RAB15: variants seen among roughly 807,000 people sequenced by gnomAD.
The protein encoded by RAB15 is ras-related protein Rab-15.
Under a neutral mutation model 31.8 loss-of-function variants are expected in RAB15, and 13 were observed. The observed-to-expected ratio is 0.41, with a 90% CI of 0.27 to 0.65. RAB15 has a LOEUF of 0.65. Ranked by LOEUF, RAB15 falls within the 30% of genes least tolerant of loss-of-function variation. The probability of loss-of-function intolerance (pLI) is 0.32; values close to 1 mark genes in which losing one functional copy is unlikely to be tolerated. For missense variants in RAB15, 220 were observed against 277.3 expected, an observed-to-expected ratio of 0.79 and a Z score of 1.47; for synonymous variants, 100 against 105.6, an observed-to-expected ratio of 0.95 and a Z score of 0.33.
chr14:64,960,730 T>C (rs1435514870), intron 1 of RAB15, among the ~76,000 whole-genome samples: 1 of 152,126 alleles, frequency 6.6e-6, no homozygotes, highest in Non-Finnish European at 1.5e-5. Flanking sequence ...AGCCCAGAGC[T>C]GCAGGAGGGG....
At chr14:64,966,618 C>T (rs1330250473) in intron 1 of RAB15, among the ~76,000 whole-genome samples, 4 of 152,184 alleles carry the variant, frequency 2.6e-5, no homozygotes, top group South Asian at 2.1e-4. Context: ...GCTTTATATG[C>T]GCTAGGCTCT....
At chr14:64,959,887 G>A (rs1216005535) in intron 1 of RAB15, among the ~76,000 whole-genome samples, 1 of 150,286 alleles carries the variant, frequency 6.7e-6, no homozygotes, top group Non-Finnish European at 1.5e-5. Flanking sequence ...TTCCATGAGG[G>A]GGATCTCCCC....
chr14:64,963,551 A>C (rs954932724), intron 1 of RAB15, among the ~76,000 whole-genome samples: 4 of 152,190 alleles, frequency 2.6e-5, no homozygotes, highest in Non-Finnish European at 4.4e-5. Context: ...CCTCCTTCTC[A>C]GGCAGGGCTG....
Position 64,954,727 on chromosome 14 carries a change from T to C in RAB15, c.125-2156A>G, listed in dbSNP as rs1886450771. Among the ~76,000 whole-genome samples, 1 of 152,192 alleles carries C rather than the reference T, an allele frequency of 6.6e-6. No homozygotes were observed. Among genetic ancestry groups the C allele is most frequent in the Non-Finnish European group, 1.5e-5 (1 of 68,028 alleles). On this transcript the variant is annotated intron_variant, in intron 1 of 6. Transcript: ENST00000533601. The surrounding 1 kb of genome is among the most constrained non-coding windows in gnomAD (Gnocchi z 4.3). ...AGAGATTCCAACACAGGTCCATCTA[T>C]GCTGGAACCCACGCTGCCCCTTGCG...
rs192234243 is a variant in RAB15 at position 64,968,336 on chromosome 14, C to T, written c.124+3617G>A. Among the ~76,000 whole-genome samples, 6 of 152,148 alleles carry T rather than the reference C, an allele frequency of 3.9e-5. No individual in the cohort carries two copies. Among genetic ancestry groups the T allele is most frequent in the African/African-American group, 7.2e-5 (3 of 41,432 alleles). On this transcript the variant is annotated intron_variant, in intron 1 of 6. Coordinates refer to ENST00000533601, the MANE Select transcript of RAB15 (RefSeq NM_001308154.2). This position sits in a 1 kb window ranked among gnomAD's most constrained non-coding sequence, Gnocchi z 4.9. ...TGCTCCCTTCTGCTGCAGGAACTGACGAGCAGCCCACACTGAGGCCTAGCT... is the reference window on the plus strand; with the variant it reads ...TGCTCCCTTCTGCTGCAGGAACTGATGAGCAGCCCACACTGAGGCCTAGCT...
chr14:64,951,557 G>T lies in RAB15; in HGVS notation c.246+46C>A. Reference sequence around the variant, plus strand: ...ATCTCAAATACCCAGAGCTGGGAGTGTGGGTGGCAGCTTCCCACTTTGAAA... The same window carrying T: ...ATCTCAAATACCCAGAGCTGGGAGTTTGGGTGGCAGCTTCCCACTTTGAAA... On this transcript the variant is annotated intron_variant, in intron 3 of 6. Coordinates refer to ENST00000533601, the MANE Select transcript of RAB15 (RefSeq NM_001308154.2). This position sits in a 1 kb window ranked among gnomAD's most constrained non-coding sequence, Gnocchi z 7.2. 6.5e-7 allele frequency: 1 copy of T among 1,532,526 alleles called. No homozygotes were observed. The highest frequency in any genetic ancestry group is 9.0e-7 in the Non-Finnish European group (1 of 1,105,290). 94.9% of individuals were successfully genotyped at this position (1,532,526 alleles called of 1,614,324 possible).
chr14:64,969,470 G>T (rs1021387172), intron 1 of RAB15, among the ~76,000 whole-genome samples: 1 of 152,202 alleles, frequency 6.6e-6, no homozygotes, highest in African/African-American at 2.4e-5. Flanking sequence ...CTTTAAATAA[G>T]AAAGCATTTA....
chr14:64,971,953 C>G lies in RAB15; in HGVS notation c.124G>C (p.Gly42Arg). 6.4e-7 allele frequency: 1 copy of G among 1,572,234 alleles called. No homozygotes were observed. The highest frequency in any genetic ancestry group is 8.6e-7 in the Non-Finnish European group (1 of 1,159,428). ...GGCGCCCCGGGCCACCGCCCCTTAC[C>G]GATGGTGGAGATGTGCGAGGAGTGG... ...EFHSSHISTI[G>R]VDFKMKTIEV... is the part of the protein sequence containing the mutation. The change falls in exon 1 of 7, where the codon GGT becomes CGT. Residue 42 changes from glycine (G) to arginine (R), a missense_variant and splice_region_variant. By Grantham distance (125) the Gly-to-Arg change is moderately radical. Coordinates refer to ENST00000533601, the MANE Select transcript of RAB15 (RefSeq NM_001308154.2). The surrounding 1 kb of genome is among the most constrained non-coding windows in gnomAD (Gnocchi z 4.1).
chr14:64,957,580 C>T (rs1419961275), intron 1 of RAB15, among the ~76,000 whole-genome samples: 1 of 152,162 alleles, frequency 6.6e-6, no homozygotes, highest in Non-Finnish European at 1.5e-5. Context: ...GTGCATAGTG[C>T]TTGTCTTTAC....
At chr14:64,967,294 A>G (rs1426826945) in intron 1 of RAB15, among the ~76,000 whole-genome samples, 2 of 152,222 alleles carry the variant, frequency 1.3e-5, no homozygotes, top group Non-Finnish European at 2.9e-5. Flanking sequence ...TGGGAGGGAG[A>G]AAACCAACTC....
At chr14:64,960,067 G>T (rs1164272072) in intron 1 of RAB15, among the ~76,000 whole-genome samples, 1 of 152,180 alleles carries the variant, frequency 6.6e-6, no homozygotes, top group Admixed American at 6.5e-5. Flanking sequence ...TCTTCCTGCT[G>T]TGACTCTGTC....
chr14:64,967,497 G>A (rs8010391), intron 1 of RAB15, among the ~76,000 whole-genome samples: 26,264 of 151,866 alleles, frequency 0.17, 2,903 homozygotes, highest in East Asian at 0.63. Context: ...TGAGGTGGGA[G>A]GATTGCGTTT....
Position 64,953,898 on chromosome 14 carries a change from C to G in RAB15, c.125-1327G>C. The stretch of plus-strand genomic sequence containing the variant: ...GTCTGCCACCAGCTGCACTGCCCGG[C>G]CCAGAAGGCCTGAAGGCACCAGCAT... On this transcript the variant is annotated intron_variant, in intron 1 of 6. Transcript: ENST00000533601. This position sits in a 1 kb window ranked among gnomAD's most constrained non-coding sequence, Gnocchi z 4.6. 1.0e-6 allele frequency: 1 copy of G among 985,420 alleles called. No homozygotes were observed. The highest frequency in any genetic ancestry group is 4.7e-5 in the South Asian group (1 of 21,280). The allele number at this position is 985,420 out of a possible 1,614,324, so 61.0% of individuals were successfully genotyped here. A position where few individuals can be genotyped will look rare whatever the true frequency, so the allele number is the denominator to read the frequency against.
In RAB15 at chr14:64,950,487, C is replaced by T. The variant is rs1321411473; in HGVS notation, c.325-73G>A. 1.2e-5 allele frequency: 15 copies of T among 1,223,720 alleles called. No homozygotes were observed. The highest frequency in any genetic ancestry group is 1.7e-5 in the Non-Finnish European group (14 of 829,958). The allele number at this position is 1,223,720 out of a possible 1,614,324, so 75.8% of individuals were successfully genotyped here. ...CCCAATTTTCCCTACAGAGTCTGCA[C>T]TGCCTCCAGCCCACCACCAATTCCA... On this transcript the variant is annotated intron_variant, in intron 4 of 6. Transcript: ENST00000533601. The surrounding 1 kb of genome is among the most constrained non-coding windows in gnomAD (Gnocchi z 5.6).
In RAB15 at chr14:64,951,695, A is replaced by G; in HGVS notation, c.186-32T>C. On this transcript the variant is annotated intron_variant, in intron 2 of 6. Coordinates refer to ENST00000533601, the MANE Select transcript of RAB15 (RefSeq NM_001308154.2). This position sits in a 1 kb window ranked among gnomAD's most constrained non-coding sequence, Gnocchi z 7.2. The stretch of plus-strand genomic sequence containing the variant: ...GAGAAAGCCAGTCCCTCAGAGGAGC[A>G]GGGACCATGGGAACAGACGGGGAGG... The G allele has an allele frequency of 6.3e-7, 1 of 1,594,036 alleles. No individual in the cohort carries two copies. Among genetic ancestry groups the G allele is most frequent in the Non-Finnish European group, 8.6e-7 (1 of 1,161,718 alleles).
chr14:64,966,075 C>T (rs1420126894), intron 1 of RAB15, among the ~76,000 whole-genome samples: 3 of 152,170 alleles, frequency 2.0e-5, no homozygotes, highest in African/African-American at 7.2e-5. Context: ...CTCCTCACCA[C>T]CTCACTCTTC....
Position 64,950,575 on chromosome 14 carries a change from T to C in RAB15, c.325-161A>G, listed in dbSNP as rs1400150909. 3 of 694,352 alleles carry C rather than the reference T, an allele frequency of 4.3e-6. No homozygotes were observed. In the East Asian group the frequency reaches 7.6e-5, roughly 18 times the overall value. The allele number at this position is 694,352 out of a possible 1,614,324, so 43.0% of individuals were successfully genotyped here. ...GCCAGGCTCCCCCAAGTGCCATGGC[T>C]GACCTCAAGGGTATCACGGGGAGAG... On this transcript the variant is annotated intron_variant, in intron 4 of 6. Coordinates refer to ENST00000533601, the MANE Select transcript of RAB15 (RefSeq NM_001308154.2). The surrounding 1 kb of genome is among the most constrained non-coding windows in gnomAD (Gnocchi z 5.6).
In RAB15 at chr14:64,953,325, C is replaced by G. The variant is rs1232449091; in HGVS notation, c.125-754G>C. ...GTAAATATCTTCATCAGGGACATTACCAGTATCTCAGAGGGTTGCTGAGGA... is the reference window on the plus strand; with the variant it reads ...GTAAATATCTTCATCAGGGACATTAGCAGTATCTCAGAGGGTTGCTGAGGA... On this transcript the variant is annotated intron_variant, in intron 1 of 6. Transcript: ENST00000533601. The surrounding 1 kb of genome is among the most constrained non-coding windows in gnomAD (Gnocchi z 4.6). Among the ~76,000 whole-genome samples the G allele has an allele frequency of 6.6e-6, 1 of 152,194 alleles. No individual in the cohort carries two copies. Among genetic ancestry groups the G allele is most frequent in the Non-Finnish European group, 1.5e-5 (1 of 68,028 alleles).
Position 64,972,145 on chromosome 14 carries a change from G to T in RAB15, c.-69C>A. On this transcript the variant is annotated 5_prime_UTR_variant, in exon 1 of 7. Coordinates refer to ENST00000533601, the MANE Select transcript of RAB15 (RefSeq NM_001308154.2). This position sits in a 1 kb window ranked among gnomAD's most constrained non-coding sequence, Gnocchi z 6.3. ...TCAGCCCTGCTCCGCCGCTGCCATC[G>T]CGGCCCGCGCCCGCCCGGGGACGCT... The T allele has an allele frequency of 1.6e-6, 2 of 1,228,304 alleles. No homozygotes were observed. Among genetic ancestry groups the T allele is most frequent in the Non-Finnish European group, 2.0e-6 (2 of 982,278 alleles). 76.1% of individuals were successfully genotyped at this position (1,228,304 alleles called of 1,614,324 possible).
Sources: allele counts gnomAD v4.1 joint callset (sites outside exome capture counted in the v4.1 genomes callset), GRCh38; gene constraint gnomAD v4.1.1; non-coding constraint Gnocchi (gnomAD v3.1); transcripts MANE v1.5; gene names NCBI Gene and HGNC (gene_info 2026-07-23, HGNC 2026-07-21).